The following CD276 variants were observed in gnomAD, a reference collection of about 807,000 sequenced individuals.
CD276 encodes the protein CD276 antigen.
CD276 carries 34 observed loss-of-function variants against 50.0 expected under a neutral mutation model. The ratio of observed to expected loss-of-function variants is 0.68; its 90% CI spans 0.52 to 0.91. The LOEUF (loss-of-function observed/expected upper bound fraction) is 0.91, where lower values mean the gene tolerates loss of function less well. Ranked by LOEUF, CD276 falls within the 40% of genes least tolerant of loss-of-function variation. The probability of loss-of-function intolerance (pLI) is 0.00; values close to 1 mark genes in which losing one functional copy is unlikely to be tolerated. For missense variants in CD276, 634 were observed against 717.5 expected, an observed-to-expected ratio of 0.88 and a Z score of 1.33; for synonymous variants, 275 against 313.0, an observed-to-expected ratio of 0.88 and a Z score of 1.28.
chr15:73,690,660 A>G (rs1248603810), intron 1 of CD276: 2 of 455,620 alleles, frequency 4.4e-6, no homozygotes, highest in Non-Finnish European at 8.8e-6. Flanking sequence ...TAATCTCTTC[A>G]CTTCTTACAG....
intron 8 of CD276, among the ~76,000 whole-genome samples, chr15:73,710,319 A>T (rs1348417187): frequency 6.6e-6 from 1 of 152,218 alleles, no homozygotes. Flanking sequence ...CATCTGTAAA[A>T]TGTCATCCTG....
intron 2 of CD276, among the ~76,000 whole-genome samples, chr15:73,700,678 G>C (rs1222371493): frequency 6.6e-6 from 1 of 152,104 alleles, no homozygotes; most frequent in African/African-American, 2.4e-5. Context: ...TTATGATACT[G>C]AGTATGATTC....
intron 1 of CD276, among the ~76,000 whole-genome samples, chr15:73,685,639 T>C (rs1158957454): frequency 6.6e-6 from 1 of 152,162 alleles, no homozygotes; most frequent in Non-Finnish European, 1.5e-5. Context: ...TTAGTTTCTA[T>C]ATTAGAAAGT....
intron 7 of CD276, chr15:73,708,757 G>T: frequency 2.2e-6 from 1 of 455,170 alleles, no homozygotes; most frequent in Non-Finnish European, 4.1e-6. Flanking sequence ...ATGAGTGTGT[G>T]CCAACAAGTG....
At position 73,711,292 on chromosome 15, in the gene CD276, G is replaced by A. The variant is rs529631263; in HGVS notation, c.1582+122G>A. On this transcript the variant is annotated intron_variant, in intron 9 of 9. Transcript: ENST00000318443. ...CTGAGGCCCCCTCTGCAGAAGAGCA[G>A]CCTCAACTTCCCCCTGGTGAGATGG... is the stretch of plus-strand genomic sequence containing the variant. 4.8e-6 allele frequency: 5 copies of A among 1,032,686 alleles called. No homozygotes were observed. The South Asian group carries it at 6.7e-5, about 14-fold the overall frequency. The allele number at this position is 1,032,686 out of a possible 1,614,324, so 64.0% of individuals were successfully genotyped here.
At chr15:73,703,544 T>TAGGAAGATGGAACAGG in intron 4 of CD276, 115 bp from the exon 5 acceptor site, 1 of 837,886 alleles carries the variant, frequency 1.2e-6, no homozygotes, top group South Asian at 1.8e-5. Flanking sequence ...AAGAAGAAAA[T>TAGGAAGATGGAACAGG]AGGAAGATGG....
intron 1 of CD276, among the ~76,000 whole-genome samples, chr15:73,695,091 G>GA (rs1201957300): frequency 6.6e-6 from 1 of 152,202 alleles, no homozygotes; most frequent in East Asian, 1.9e-4. Context: ...ATTTCAGTGG[G>GA]AACTGTGTGG....
Position 73,702,259 on chromosome 15 carries a change from C to A in CD276, c.84C>A (p.Ala28=), listed in dbSNP as rs1162220050. 6.2e-7 allele frequency: 1 copy of A among 1,607,322 alleles called. No individual in the cohort carries two copies. The highest frequency in any genetic ancestry group is 1.7e-5 in the Admixed American group (1 of 59,606). ...CTCCACTCCCCCTACCCCCAGGAGC[C>A]CTGGAGGTCCAGGTCCCTGAAGACC... ...LGALWFCLTG[A]LEVQVPEDPV... Residue 28 remains alanine (A), a synonymous_variant, in exon 3 of 10, where the codon GCC becomes GCA. Coordinates refer to ENST00000318443, the MANE Select transcript of CD276 (RefSeq NM_001024736.2).
chr15:73,703,575 G>T, intron 4 of CD276, 84 bp from the exon 5 acceptor site: 2 of 1,080,962 alleles, frequency 1.9e-6, no homozygotes, highest in Non-Finnish European at 2.6e-6. Flanking sequence ...GGGAATTGAT[G>T]GGGGAAGAGT....
rs911123798 is a variant in CD276, at chr15:73,703,774, C to T, written c.849C>T (p.Leu283=). The change falls in exon 5 of 10, where the codon CTC becomes CTT. Residue 283 remains leucine, a synonymous_variant. Coordinates refer to ENST00000318443, the MANE Select transcript of CD276 (RefSeq NM_001024736.2). ...EPGFSLAQLN[L]IWQLTDTKQL... is the part of the protein sequence containing the mutation. The stretch of plus-strand genomic sequence containing the variant: ...GCTTCAGCCTGGCACAGCTCAACCT[C>T]ATCTGGCAGCTGACAGACACCAAAC... The T allele has an allele frequency of 4.0e-5, 65 of 1,613,586 alleles. No individual in the cohort carries two copies. The highest frequency in any genetic ancestry group is 5.5e-5 in the Non-Finnish European group (65 of 1,180,050).
rs1456199757 is a variant in CD276, at chr15:73,713,758, G to T, written c.*802G>T. On this transcript the variant is annotated 3_prime_UTR_variant, in exon 10 of 10. Coordinates refer to ENST00000318443, the MANE Select transcript of CD276 (RefSeq NM_001024736.2). ...TGCTGGTCACACTGGTTCTCCAGGGGTCTGTGATGGGGCCCCTGGGGGTCA... is the reference window on the plus strand; with the variant it reads ...TGCTGGTCACACTGGTTCTCCAGGGTTCTGTGATGGGGCCCCTGGGGGTCA... 1 of 435,742 alleles carries T rather than the reference G, an allele frequency of 2.3e-6. No individual in the cohort carries two copies. The highest frequency in any genetic ancestry group is 2.7e-5 in the Admixed American group (1 of 36,974). The allele number at this position is 435,742 out of a possible 1,614,324, so 27.0% of individuals were successfully genotyped here. A position where few individuals can be genotyped will look rare whatever the true frequency, so the allele number is the denominator to read the frequency against.
chr15:73,691,573 G>A (rs1340979408), intron 1 of CD276, among the ~76,000 whole-genome samples: 4 of 152,162 alleles, frequency 2.6e-5, no homozygotes, highest in Non-Finnish European at 5.9e-5. Context: ...CATGAGCCAG[G>A]TCTTGTAACA....
At position 73,712,441 on chromosome 15, in the gene CD276, T is replaced by C. The variant is rs556876906; in HGVS notation, c.1583-493T>C. 5.3e-5 allele frequency among the ~76,000 whole-genome samples: 8 copies of C among 152,176 alleles called. No homozygotes were observed. In the South Asian group the frequency reaches 1.7e-3, roughly 32 times the overall value. On this transcript the variant is annotated intron_variant, in intron 9 of 9. Transcript: ENST00000318443. ...TCAGCTTCAGATGCAGAGTGGGGTC[T>C]GAAAGATGAGTCTTTGGGATGGCCC...
intron 2 of CD276, among the ~76,000 whole-genome samples, chr15:73,700,278 A>G (rs1900327053): frequency 6.6e-6 from 1 of 152,158 alleles, no homozygotes; most frequent in African/African-American, 2.4e-5. Flanking sequence ...AGAATAAACG[A>G]TGTGACTCTC....
intron 9 of CD276, 33 bp downstream of exon 9, chr15:73,711,203 G>C: frequency 6.2e-7 from 1 of 1,609,428 alleles, no homozygotes; most frequent in South Asian, 1.1e-5. Flanking sequence ...TTGTGTCTGT[G>C]TATGCACACA....
rs1900960794 is a variant in CD276 at position 73,712,799 on chromosome 15, G to A, written c.1583-135G>A. 5 of 886,028 alleles carry A rather than the reference G, an allele frequency of 5.6e-6. No individual in the cohort carries two copies. The East Asian group carries it at 1.3e-4, about 23-fold the overall frequency. The allele number at this position is 886,028 out of a possible 1,614,324, so 54.9% of individuals were successfully genotyped here. A position where few individuals can be genotyped will look rare whatever the true frequency, so the allele number is the denominator to read the frequency against. Reference sequence around the variant, plus strand: ...GTGGTCAGCACGGGGGCTGTCCGTTGGGCTGCTGTCTCACACACACTCCCC... The same window carrying A: ...GTGGTCAGCACGGGGGCTGTCCGTTAGGCTGCTGTCTCACACACACTCCCC... On this transcript the variant is annotated intron_variant, in intron 9 of 9. Coordinates refer to ENST00000318443, the MANE Select transcript of CD276 (RefSeq NM_001024736.2).
In CD276 at chr15:73,713,840, A is replaced by C; in HGVS notation, c.*884A>C. 4.5e-6 allele frequency: 2 copies of C among 442,104 alleles called. No individual in the cohort carries two copies. The highest frequency in any genetic ancestry group is 9.0e-6 in the Non-Finnish European group (2 of 221,458). The allele number at this position is 442,104 out of a possible 1,614,324, so 27.4% of individuals were successfully genotyped here. ...TTCCTTTCTTTTCATGTATCCATTC[A>C]GTTGATGTTTATTGAGCAACTACAG... On this transcript the variant is annotated 3_prime_UTR_variant, in exon 10 of 10. Coordinates refer to ENST00000318443, the MANE Select transcript of CD276 (RefSeq NM_001024736.2).
At chr15:73,694,006 A>G (rs12594595) in intron 1 of CD276, among the ~76,000 whole-genome samples, 70,998 of 151,832 alleles carry the variant, frequency 0.47, 17,017 homozygotes, top group East Asian at 0.55. Flanking sequence ...CAGTGACCCC[A>G]CCTTTGGTTC....
At chr15:73,695,914 G>A (rs983065195) in intron 1 of CD276, among the ~76,000 whole-genome samples, 1 of 152,240 alleles carries the variant, frequency 6.6e-6, no homozygotes, top group African/African-American at 2.4e-5. Context: ...TGATTATGGT[G>A]GGGGGCAAGG....
Sources: allele counts gnomAD v4.1 joint callset (sites outside exome capture counted in the v4.1 genomes callset), GRCh38; gene constraint gnomAD v4.1.1; transcripts MANE v1.5; gene names NCBI Gene and HGNC (gene_info 2026-07-23, HGNC 2026-07-21).